GRIN2B: variants seen among roughly 807,000 people sequenced by gnomAD.
GRIN2B encodes the protein glutamate receptor ionotropic, NMDA 2B.
In GRIN2B, 5 loss-of-function variants were observed where a neutral mutation model predicts 114.5. The ratio of observed to expected loss-of-function variants is 0.04; its 90% CI spans 0.02 to 0.09. GRIN2B has a LOEUF of 0.09. GRIN2B is among the 10% of genes least tolerant of loss of function. The pLI is 1.00. For missense variants in GRIN2B, 1,108 were observed against 1,943.5 expected (o/e 0.57, Z 8.08); for synonymous variants, 787 against 745.1 (o/e 1.06, Z -0.92).
chr12:13,538,530 C>G lies in GRIN2B; in HGVS notation c.*24253G>C, dbSNP rs946131987. The G allele has an allele frequency of 3.9e-5, 6 of 152,084 alleles. No homozygotes were observed. Among genetic ancestry groups the G allele is most frequent in the African/African-American group, 1.4e-4 (6 of 41,416 alleles). The allele number at this position is 152,084 out of a possible 1,614,324, so 9.4% of individuals were successfully genotyped here. On this transcript the variant is annotated 3_prime_UTR_variant, in exon 14 of 14. Transcript: ENST00000609686. ...CAAGCTTCCTTATTTAAAACTAGAG[C>G]CAAGATGGGCACAGTGGCTCACACC...
At chr12:13,591,832 G>A (rs994790114) in intron 10 of GRIN2B, among the ~76,000 whole-genome samples, 3 of 152,122 alleles carry the variant, frequency 2.0e-5, no homozygotes, top group African/African-American at 7.2e-5. Context: ...TGAACACATT[G>A]TCCTCAATAG....
chr12:13,902,871 G>A (rs1006749039), intron 2 of GRIN2B, among the ~76,000 whole-genome samples: 3 of 152,034 alleles, frequency 2.0e-5, no homozygotes, highest in Non-Finnish European at 2.9e-5. Flanking sequence ...TGCCAATGAA[G>A]CTAACTAAGC....
chr12:13,579,172 C>G (rs761865832), intron 10 of GRIN2B, among the ~76,000 whole-genome samples: 5 of 152,164 alleles, frequency 3.3e-5, no homozygotes, highest in Admixed American at 6.5e-5. Flanking sequence ...TGGGCATGAT[C>G]AGAGACCACG....
At chr12:13,737,510 T>C (rs532097222) in intron 4 of GRIN2B, among the ~76,000 whole-genome samples, 1 of 152,308 alleles carries the variant, frequency 6.6e-6, no homozygotes, top group South Asian at 2.1e-4. Flanking sequence ...TGTGTCCGGC[T>C]GAAAGTTCAT....
At chr12:13,571,985 A>G in intron 10 of GRIN2B, 21 bp from the exon 11 acceptor site, 4 of 1,599,208 alleles carry the variant, frequency 2.5e-6, no homozygotes, top group Non-Finnish European at 3.4e-6. Context: ...AAAGACAGAT[A>G]GAGACAGAGC....
At chr12:13,979,375 C>T (rs1460676808) in intron 2 of GRIN2B, among the ~76,000 whole-genome samples, 3 of 151,862 alleles carry the variant, frequency 2.0e-5, no homozygotes, top group Non-Finnish European at 2.9e-5. Flanking sequence ...CTTGTCAACC[C>T]TTTAGACAGC....
At chr12:13,826,076 A>G (rs1457942711) in intron 3 of GRIN2B, among the ~76,000 whole-genome samples, 1 of 150,018 alleles carries the variant, frequency 6.7e-6, no homozygotes, top group African/African-American at 2.5e-5. Context: ...AGAGTTCTGT[A>G]TTACTTCCAC....
intron 5 of GRIN2B, among the ~76,000 whole-genome samples, chr12:13,620,895 G>GA (rs891909068): frequency 1.9e-4 from 27 of 140,040 alleles, no homozygotes; most frequent in East Asian, 6.4e-4. Context: ...TCAAGGAAAT[G>GA]AAAAAAAAAT....
intron 3 of GRIN2B, among the ~76,000 whole-genome samples, chr12:13,835,330 C>T (rs988413427): frequency 1.3e-5 from 2 of 152,160 alleles, no homozygotes; most frequent in Non-Finnish European, 2.9e-5. Context: ...GAGGCGCATG[C>T]ACCCTCATTT....
intron 4 of GRIN2B, among the ~76,000 whole-genome samples, chr12:13,676,132 T>A (rs964271857): frequency 1.3e-5 from 2 of 152,056 alleles, no homozygotes; most frequent in Non-Finnish European, 2.9e-5. Context: ...AAGTGGGAGC[T>A]GAACAATGTG....
Position 13,551,682 on chromosome 12 carries a change from G to C in GRIN2B, c.*11101C>G, listed in dbSNP as rs1237274274. The C allele has an allele frequency of 6.6e-6, 1 of 152,124 alleles. No individual in the cohort carries two copies. Among genetic ancestry groups the C allele is most frequent in the Non-Finnish European group, 1.5e-5 (1 of 68,024 alleles). The allele number at this position is 152,124 out of a possible 1,614,324, so 9.4% of individuals were successfully genotyped here. A position where few individuals can be genotyped will look rare whatever the true frequency, so the allele number is the denominator to read the frequency against. Reference sequence around the variant, plus strand: ...GTGTGTGCATTAGGGAGGTACATAGGCATCAGAATGCTCATGGCAAAGAGA... The same window carrying C: ...GTGTGTGCATTAGGGAGGTACATAGCCATCAGAATGCTCATGGCAAAGAGA... On this transcript the variant is annotated 3_prime_UTR_variant, in exon 14 of 14. Transcript: ENST00000609686.
intron 10 of GRIN2B, among the ~76,000 whole-genome samples, chr12:13,607,409 A>ATATT (rs1949292483): frequency 1.7e-5 from 1 of 59,564 alleles, no homozygotes; most frequent in African/African-American, 1.2e-4. Context: ...TAATATATAA[A>ATATT]ATATATAATA....
At chr12:13,602,960 A>G (rs1269763244) in intron 10 of GRIN2B, among the ~76,000 whole-genome samples, 2 of 152,210 alleles carry the variant, frequency 1.3e-5, no homozygotes, top group African/African-American at 4.8e-5. Context: ...GGAGAGCCCA[A>G]TGGTCAAACA....
chr12:13,740,365 A>G (rs1297736905), intron 4 of GRIN2B, among the ~76,000 whole-genome samples: 1 of 152,250 alleles, frequency 6.6e-6, no homozygotes, highest in Non-Finnish European at 1.5e-5. Context: ...GGTTCAGTAC[A>G]TACAGAATAG....
At chr12:13,681,656 C>T (rs772574396) in intron 4 of GRIN2B, among the ~76,000 whole-genome samples, 2 of 152,094 alleles carry the variant, frequency 1.3e-5, no homozygotes, top group Non-Finnish European at 2.9e-5. Context: ...ATCCTTTGAC[C>T]TGTTGTTTAT....
chr12:13,967,308 T>C (rs927553463), intron 2 of GRIN2B, among the ~76,000 whole-genome samples: 16 of 152,166 alleles, frequency 1.1e-4, no homozygotes, highest in African/African-American at 3.6e-4. Flanking sequence ...ACACAGTATG[T>C]TTCTTTTAAG....
intron 3 of GRIN2B, among the ~76,000 whole-genome samples, chr12:13,831,777 T>C (rs1865152354): frequency 6.6e-6 from 1 of 152,236 alleles, no homozygotes; most frequent in Non-Finnish European, 1.5e-5. Flanking sequence ...TATTCAGCCT[T>C]ATAAACACTG....
rs114519198 is a variant in GRIN2B, at chr12:13,953,579, T to C, written c.-19+26349A>G. Among the ~76,000 whole-genome samples, 853 of 152,330 alleles carry C rather than the reference T, an allele frequency of 5.6e-3. 11 individuals carry two copies. Among genetic ancestry groups the C allele is most frequent in the African/African-American group, 0.02 (819 of 41,590 alleles). Reference sequence around the variant, plus strand: ...TCTGGCTAGGATTTACCAATGGAGATACTGCCAAGAGATGGTGGGGGTGCT... The same window carrying C: ...TCTGGCTAGGATTTACCAATGGAGACACTGCCAAGAGATGGTGGGGGTGCT... On this transcript the variant is annotated intron_variant, in intron 2 of 13. Coordinates refer to ENST00000609686, the MANE Select transcript of GRIN2B (RefSeq NM_000834.5).
rs570025047 is a variant in GRIN2B at position 13,761,354 on chromosome 12, A to C, written c.412-7439T>G. Reference sequence around the variant, plus strand: ...CAAATTTAAACCACAGTAGAGAAACAAACTAAAGGTATTCATTCACTTTGA... The same window carrying C: ...CAAATTTAAACCACAGTAGAGAAACCAACTAAAGGTATTCATTCACTTTGA... On this transcript the variant is annotated intron_variant, in intron 3 of 13. Coordinates refer to ENST00000609686, the MANE Select transcript of GRIN2B (RefSeq NM_000834.5). 5.9e-5 allele frequency among the ~76,000 whole-genome samples: 9 copies of C among 152,354 alleles called. No individual in the cohort carries two copies. The East Asian group carries it at 1.7e-3, about 29-fold the overall frequency.
Sources: allele counts gnomAD v4.1 joint callset (sites outside exome capture counted in the v4.1 genomes callset), GRCh38; gene constraint gnomAD v4.1.1; transcripts MANE v1.5; gene names NCBI Gene and HGNC (gene_info 2026-07-23, HGNC 2026-07-21).